The following CDK10 variants were observed in gnomAD, a reference collection of about 807,000 sequenced individuals.
CDK10 encodes cyclin dependent kinase 10.
CDK10 carries 55 observed loss-of-function variants against 51.0 expected under a neutral mutation model. The observed-to-expected ratio is 1.08, with a 90% confidence interval of 0.87 to 1.35. The LOEUF (loss-of-function observed/expected upper bound fraction) is 1.35. CDK10 is among the 40% of genes most tolerant of loss of function. CDK10 has a pLI of 0.00. For missense variants in CDK10, 589 were observed against 485.1 expected (o/e 1.21, Z -2.01); for synonymous variants, 255 against 199.1 (o/e 1.28, Z -2.36).
rs2060689069 is a variant in CDK10 at position 89,695,632 on chromosome 16, C to T, written c.1023C>T (p.His341=). The change falls in exon 13 of 13, where the codon CAC becomes CAT. Residue 341 remains histidine (H), a synonymous_variant. Transcript: ENST00000353379. ...AGCTCATGCCGACCTTTCCCCACCA[C>T]CGCAACAAGCGGGCCGCCCCAGCCA... ...EPELMPTFPH[H]RNKRAAPATS... 1.2e-6 allele frequency: 2 copies of T among 1,605,952 alleles called. No homozygotes were observed. Among genetic ancestry groups the T allele is most frequent in the Non-Finnish European group, 1.7e-6 (2 of 1,177,802 alleles).
Position 89,694,845 on chromosome 16 carries a change from C to T in CDK10, c.792+57C>T. 4 of 1,511,634 alleles carry T rather than the reference C, an allele frequency of 2.6e-6. No individual in the cohort carries two copies. The South Asian group carries it at 3.7e-5, about 14-fold the overall frequency. The allele number at this position is 1,511,634 out of a possible 1,614,324, so 93.6% of individuals were successfully genotyped here. A position where few individuals can be genotyped will look rare whatever the true frequency, so the allele number is the denominator to read the frequency against. ...CCCGTGCCCACGCCCTCTGCGCCCG[C>T]AGCCCCCGCCCGTGCCCACGCCCTC... is the stretch of plus-strand genomic sequence containing the variant. On this transcript the variant is annotated intron_variant, in intron 10 of 12. Transcript: ENST00000353379.
chr16:89,689,434 G>T, intron 2 of CDK10, 110 bp downstream of exon 2: 3 of 881,356 alleles, frequency 3.4e-6, no homozygotes, highest in Non-Finnish European at 3.8e-6. Context: ...CAGACCCTGT[G>T]CTCTGAAACA....
chr16:89,686,843 C>T (rs779881613), intron 1 of CDK10, 46 bp downstream of exon 1: 3 of 1,526,248 alleles, frequency 2.0e-6, no homozygotes, highest in South Asian at 1.1e-5. Context: ...TCGCTAGCGG[C>T]ACTGCCCGGC....
intron 9 of CDK10, 62 bp downstream of exon 9, chr16:89,694,294 C>T (rs761596030): frequency 6.5e-7 from 1 of 1,548,086 alleles, no homozygotes; most frequent in South Asian, 1.1e-5. Context: ...AGCCGGGTCA[C>T]CTGGTTCCTG....
chr16:89,691,939 G>T (rs2060469294), intron 5 of CDK10, 52 bp downstream of exon 5: 1 of 1,482,082 alleles, frequency 6.7e-7, no homozygotes, highest in African/African-American at 1.4e-5. Context: ...GGGCCCTTGT[G>T]GTGCACATTT....
chr16:89,695,526 C>T (rs2060681314), intron 12 of CDK10, 69 bp from the exon 13 acceptor site: 7 of 1,542,648 alleles, frequency 4.5e-6, no homozygotes, highest in South Asian at 2.3e-5. Flanking sequence ...CAGAGCTGGA[C>T]TCAGACCTGG....
chr16:89,691,634 T>C (rs2060454785), intron 4 of CDK10, 89 bp downstream of exon 4: 2 of 1,269,648 alleles, frequency 1.6e-6, no homozygotes, highest in Non-Finnish European at 2.3e-6. Flanking sequence ...TGAGTGTCAC[T>C]GGGCATGAGG....
intron 3 of CDK10, 105 bp downstream of exon 3, chr16:89,690,729 G>T (rs1261871568): frequency 1.5e-5 from 15 of 997,982 alleles, no homozygotes; most frequent in Non-Finnish European, 2.4e-5. Context: ...TGTAGCGGGG[G>T]CCGGCCTCTG....
rs376029099 is a variant in CDK10 at position 89,693,405 on chromosome 16, C to G, written c.546C>G (p.Phe182Leu). ...CTCCCCTCTCTGCTGCAGCGGATTT[C>G]GGCCTGGCCCGGGCCTATGGTGTCC... is the stretch of plus-strand genomic sequence containing the variant. ...TDKGCVKTADFGLARAYGVPV... is the reference protein window; with the variant it reads ...TDKGCVKTADLGLARAYGVPV... Residue 182 changes from phenylalanine to leucine, a missense_variant, in exon 8 of 13, where the codon TTC becomes TTG. Phe to Leu is a conservative substitution (Grantham distance 22, BLOSUM62 0). Transcript: ENST00000353379. 115 of 1,614,152 alleles carry G rather than the reference C, an allele frequency of 7.1e-5. No homozygotes were observed. Among genetic ancestry groups the G allele is most frequent in the Non-Finnish European group, 9.5e-5 (112 of 1,180,032 alleles).
Position 89,691,514 on chromosome 16 carries a change from AAGG to A in CDK10, c.308_310del (p.Glu103del). 6.2e-7 allele frequency: 1 copy of A among 1,613,922 alleles called. No individual in the cohort carries two copies. The highest frequency in any genetic ancestry group is 1.1e-5 in the South Asian group (1 of 91,066). On this transcript the variant is annotated inframe_deletion, in exon 4 of 13. Transcript: ENST00000353379. ...GCGTCATCCGAACATCGTGGAGCTG[AAGG>A]AGGTGGTTGTGGGGAACCACCTGGA... is the stretch of plus-strand genomic sequence containing the variant.
In CDK10 at chr16:89,695,733, TC is replaced by T; in HGVS notation, c.*43del. On this transcript the variant is annotated 3_prime_UTR_variant, in exon 13 of 13. Coordinates refer to ENST00000353379, the MANE Select transcript of CDK10 (RefSeq NM_052988.5). The stretch of plus-strand genomic sequence containing the variant: ...ACGCCTGTATTCCCACACCAGGTCT[TC>T]CGATCAGTGGTGTCTGTGAAGGGTG... The T allele has an allele frequency of 1.3e-6, 2 of 1,590,960 alleles. No individual in the cohort carries two copies. Among genetic ancestry groups the T allele is most frequent in the East Asian group, 4.5e-5 (2 of 44,024 alleles).
intron 1 of CDK10, chr16:89,687,408 C>T (rs985577834): frequency 2.5e-5 from 11 of 443,142 alleles, no homozygotes; most frequent in Non-Finnish European, 4.2e-5. Flanking sequence ...GGCTGGTGCT[C>T]TGAGAGGCCA....
chr16:89,694,423 C>T, intron 9 of CDK10, 191 bp downstream of exon 9: 1 of 854,122 alleles, frequency 1.2e-6, no homozygotes, highest in Non-Finnish European at 1.8e-6. Flanking sequence ...GCTTGCTGTT[C>T]TCAGGCTGGG....
intron 6 of CDK10, 70 bp from the exon 7 acceptor site, chr16:89,693,204 T>G (rs560471160): frequency 7.3e-7 from 1 of 1,376,018 alleles, no homozygotes; most frequent in South Asian, 1.2e-5. Flanking sequence ...CTACGGGCAT[T>G]GGTGCCGTGG....
Position 89,695,934 on chromosome 16 carries a change from C to A in CDK10, c.*242C>A. On this transcript the variant is annotated 3_prime_UTR_variant, in exon 13 of 13. Transcript: ENST00000353379. The stretch of plus-strand genomic sequence containing the variant: ...CCCTGGAAGGGCAGGTCTGGCGGCT[C>A]CATCCGTGGCTGCAGGGGTCTCATG... The A allele has an allele frequency of 1.3e-6, 1 of 741,644 alleles. No homozygotes were observed. Among genetic ancestry groups the A allele is most frequent in the East Asian group, 2.7e-5 (1 of 36,968 alleles). The allele number at this position is 741,644 out of a possible 1,614,324, so 45.9% of individuals were successfully genotyped here.
At chr16:89,688,216 G>A (rs1031678651) in intron 1 of CDK10, among the ~76,000 whole-genome samples, 2 of 151,718 alleles carry the variant, frequency 1.3e-5, no homozygotes, top group African/African-American at 4.8e-5. Flanking sequence ...CAAGCAGCTG[G>A]GACTACAGGC....
intron 1 of CDK10, chr16:89,687,932 A>T (rs2060270940): frequency 3.7e-6 from 1 of 271,174 alleles, no homozygotes; most frequent in Admixed American, 4.6e-5. Context: ...CTGAGGACAA[A>T]TGCGGCCAGT....
chr16:89,692,284 C>T (rs1299699059), intron 5 of CDK10, 165 bp from the exon 6 acceptor site: 5 of 531,716 alleles, frequency 9.4e-6, no homozygotes, highest in Non-Finnish European at 1.3e-5. Flanking sequence ...CACTGGTTTC[C>T]TGGGCTGCTG....
rs574447047 is a variant in CDK10, at chr16:89,689,405, G to A, written c.160+81G>A. 3.2e-5 allele frequency: 40 copies of A among 1,260,756 alleles called. No homozygotes were observed. The African/African-American group carries it at 4.1e-4, about 13-fold the overall frequency. The allele number at this position is 1,260,756 out of a possible 1,614,324, so 78.1% of individuals were successfully genotyped here. Reference sequence around the variant, plus strand: ...ACGAGACTGTCGAAGCAGCAGCCGCGTTGGGGCTGGAAGGGACTCAGACCC... The same window carrying A: ...ACGAGACTGTCGAAGCAGCAGCCGCATTGGGGCTGGAAGGGACTCAGACCC... On this transcript the variant is annotated intron_variant, in intron 2 of 12. Transcript: ENST00000353379.
Sources: allele counts gnomAD v4.1 joint callset (sites outside exome capture counted in the v4.1 genomes callset), GRCh38; gene constraint gnomAD v4.1.1; transcripts MANE v1.5; gene names NCBI Gene and HGNC (gene_info 2026-07-23, HGNC 2026-07-21).